The following MADD variants were observed in gnomAD, a reference collection of about 807,000 sequenced individuals.
MADD encodes the protein MAP kinase activating death domain.
In MADD, 109 loss-of-function variants were observed where a neutral mutation model predicts 176.7. That is an observed-to-expected ratio of 0.62 (90% CI 0.53 to 0.72). The LOEUF (loss-of-function observed/expected upper bound fraction) is 0.72, where lower values mean the gene tolerates loss of function less well. Ranked by LOEUF, MADD falls within the 30% of genes least tolerant of loss-of-function variation. The pLI, the probability that MADD is intolerant of heterozygous loss-of-function variation, is 0.00. For missense variants in MADD, 1,914 were observed against 2,045.5 expected, an observed-to-expected ratio of 0.94 and a Z score of 1.24; for synonymous variants, 771 against 771.3, an observed-to-expected ratio of 1.00 and a Z score of 0.01.
At chr11:47,290,684 C>A in exon 19 of MADD, 1 of 1,614,068 alleles carries the variant, frequency 6.2e-7, no homozygotes, top group Non-Finnish European at 8.5e-7. Context: ...CCTAGCTGGG[C>A]GGGGGGACCC....
chr11:47,303,208 C>T (rs1027016666), intron 22 of MADD, among the ~76,000 whole-genome samples: 1 of 150,124 alleles, frequency 6.7e-6, no homozygotes, highest in Non-Finnish European at 1.5e-5. Flanking sequence ...TAGAGATTCC[C>T]TTAAATGTGA....
chr11:47,281,104 T>G (rs546774484), intron 7 of MADD, among the ~76,000 whole-genome samples: 9 of 152,332 alleles, frequency 5.9e-5, no homozygotes, highest in African/African-American at 1.9e-4. Flanking sequence ...ACCAGTGGTC[T>G]TCACGCTGCC....
At position 47,285,174 on chromosome 11, in the gene MADD, C is replaced by G. The variant is rs1441269939; in HGVS notation, c.2391C>G (p.Ser797Arg). Residue 797 changes from serine (S) to arginine (R), a missense_variant, in exon 13 of 33, where the codon AGC (serine) becomes AGG (arginine). Ser to Arg is a moderately radical substitution (Grantham distance 110, BLOSUM62 -1). Coordinates refer to ENST00000402192, the Ensembl canonical transcript of MADD. The stretch of plus-strand genomic sequence containing the variant: ...GGGAAAGTTACACTCCCCGATTCAG[C>G]CAACATGTCAGTGGCAATCGGTGAG... 4 of 1,613,808 alleles carry G rather than the reference C, an allele frequency of 2.5e-6. No individual in the cohort carries two copies. The East Asian group carries it at 8.9e-5, about 36-fold the overall frequency.
chr11:47,324,011 A>G (rs2095010600), intron 28 of MADD, 176 bp downstream of exon 31: 2 of 697,680 alleles, frequency 2.9e-6, no homozygotes, highest in African/African-American at 3.6e-5. Context: ...AATAGTAGTC[A>G]CAATCGGTAT....
At chr11:47,327,188 G>A (rs1320904566) in intron 31 of MADD, 41 of 1,012,134 alleles carry the variant, frequency 4.1e-5, no homozygotes, top group Non-Finnish European at 4.6e-5. Flanking sequence ...TAGCAGCCCA[G>A]TGCGCTAGCC....
At chr11:47,290,004 G>T in exon 17 of MADD, 2 of 1,614,188 alleles carry the variant, frequency 1.2e-6, no homozygotes, top group Non-Finnish European at 1.7e-6. Context: ...AAGCTGAACC[G>T]CATGGTGCAG....
rs369362207 is a variant in MADD, at chr11:47,306,423, C to A, written c.3643-2168C>A. 1.0e-3 allele frequency among the ~76,000 whole-genome samples: 153 copies of A among 152,272 alleles called. 1 individual carries two copies. In the Middle Eastern group the frequency reaches 0.024, roughly 24 times the overall value. On this transcript the variant is annotated intron_variant, in intron 22 of 32. Coordinates refer to ENST00000402192, the Ensembl canonical transcript of MADD. ...TAGCTGCACAGGCCACAGGGGCTGG[C>A]GCATAGTATTGGCTCCTTCTCTGGA... is the stretch of plus-strand genomic sequence containing the variant.
At chr11:47,327,163 C>T in intron 31 of MADD, 1 of 1,036,856 alleles carries the variant, frequency 9.6e-7, no homozygotes, top group Non-Finnish European at 1.2e-6. Flanking sequence ...TCCATGTCAC[C>T]TGCTGCAATC....
In MADD at chr11:47,319,196, A is replaced by G. The variant is rs1191817825; in HGVS notation, c.4197+3869A>G. On this transcript the variant is annotated intron_variant, in intron 27 of 32. Coordinates refer to ENST00000402192, the Ensembl canonical transcript of MADD. ...ACCCAGGCTGGAGTGCAGTGGCACA[A>G]TCTTGGCTCACTGCAACATCCACCC... is the stretch of plus-strand genomic sequence containing the variant. 7.3e-5 allele frequency among the ~76,000 whole-genome samples: 11 copies of G among 150,180 alleles called. No individual in the cohort carries two copies. The East Asian group carries it at 1.6e-3, about 21-fold the overall frequency.
intron 22 of MADD, 45 bp downstream of exon 24, chr11:47,296,100 G>A: frequency 6.3e-7 from 1 of 1,594,550 alleles, no homozygotes; most frequent in Non-Finnish European, 8.6e-7. Flanking sequence ...CTTTAATGGG[G>A]GAGGGAAGCA....
intron 19 of MADD, 134 bp downstream of exon 20, chr11:47,290,950 A>C: frequency 2.9e-6 from 2 of 690,716 alleles, no homozygotes; most frequent in South Asian, 4.1e-5. Context: ...GCCTGTGTCC[A>C]TTTCTGGTGG....
exon 12 of MADD, chr11:47,284,405 G>A (rs775513347): frequency 4.3e-6 from 7 of 1,614,160 alleles, no homozygotes; most frequent in Non-Finnish European, 5.1e-6. Context: ...GCAGCACTGG[G>A]GGATGCCAGC....
rs1411623564 is a variant in MADD, at chr11:47,295,377, C to T, written c.3403-119C>T. The T allele has an allele frequency of 1.6e-5, 12 of 758,384 alleles. No homozygotes were observed. The East Asian group carries it at 3.2e-4, about 20-fold the overall frequency. 47.0% of individuals were successfully genotyped at this position (758,384 alleles called of 1,614,324 possible). Reference sequence around the variant, plus strand: ...TTCTGGAAACAAAAGTTGCTCGTGACTTCTCTAAGGATGATAACAGAAGGG... The same window carrying T: ...TTCTGGAAACAAAAGTTGCTCGTGATTTCTCTAAGGATGATAACAGAAGGG... On this transcript the variant is annotated intron_variant, in intron 20 of 32. Coordinates refer to ENST00000402192, the Ensembl canonical transcript of MADD.
intron 30 of MADD, among the ~76,000 whole-genome samples, chr11:47,326,127 A>C (rs1415117873): frequency 7.4e-6 from 1 of 135,818 alleles, no homozygotes; most frequent in African/African-American, 3.1e-5. Flanking sequence ...TAGTTTCCTC[A>C]TGTAGAAAAT....
Position 47,323,788 on chromosome 11 carries a change from C to T in MADD, c.4315C>T (p.Arg1439Cys), listed in dbSNP as rs772689383. 9.3e-6 allele frequency: 15 copies of T among 1,614,128 alleles called. No homozygotes were observed. Among genetic ancestry groups the T allele is most frequent in the Non-Finnish European group, 1.3e-5 (15 of 1,180,012 alleles). The change falls in exon 28 of 33, where the codon CGT (arginine) becomes TGT (cysteine). Residue 1439 changes from arginine (R) to cysteine (C), a missense_variant. Arg to Cys is a radical substitution (Grantham distance 180, BLOSUM62 -3). Coordinates refer to ENST00000402192, the Ensembl canonical transcript of MADD. ...CAAGACGAAGGTGTTGTGCTTGTGG[C>T]GTAGAAATGGCTCTGAGACCCAGCT...
chr11:47,269,675 C>G (rs1253579111), upstream of MADD: 2 of 151,888 alleles, frequency 1.3e-5, no homozygotes, highest in Non-Finnish European at 2.9e-5. Flanking sequence ...CCCTCTGCCC[C>G]CGCTGCCCAG....
At chr11:47,324,152 C>T (rs1465759096) in intron 28 of MADD, 113 bp from the exon 32 acceptor site, 1 of 884,976 alleles carries the variant, frequency 1.1e-6, no homozygotes, top group African/African-American at 1.7e-5. Context: ...AGGAGGACTA[C>T]TTAAAATTTT....
At chr11:47,304,996 T>C (rs2081426851) in intron 22 of MADD, among the ~76,000 whole-genome samples, 1 of 152,226 alleles carries the variant, frequency 6.6e-6, no homozygotes, top group African/African-American at 2.4e-5. Context: ...TCTGTGTAGC[T>C]TCTTCAGCTG....
At chr11:47,324,843 G>T in intron 30 of MADD, 2 of 637,714 alleles carry the variant, frequency 3.1e-6, no homozygotes, top group Non-Finnish European at 5.6e-6. Context: ...CCATCCGTTG[G>T]ACTCCACACA....
Sources: gnomAD v4.1 joint callset for allele counts (sites outside exome capture counted in the v4.1 genomes callset) on GRCh38, gnomAD v4.1.1 for gene constraint, MANE v1.5 for transcripts, NCBI Gene and HGNC (gene_info 2026-07-23, HGNC 2026-07-21) for gene names.